The following WDPCP variants were observed in gnomAD, a reference collection of about 807,000 sequenced individuals.
WDPCP encodes WD repeat containing planar cell polarity effector.
Under a neutral mutation model 93.1 loss-of-function variants are expected in WDPCP, and 71 were observed. The ratio of observed to expected loss-of-function variants is 0.76; its 90% CI spans 0.63 to 0.93. The LOEUF is 0.93. WDPCP is among the 40% of genes least tolerant of loss of function. WDPCP has a pLI of 0.00. For synonymous variants in WDPCP, 315 were observed against 315.0 expected, an observed-to-expected ratio of 1.00 and a Z score of 0.00; for missense variants, 844 against 887.4, an observed-to-expected ratio of 0.95 and a Z score of 0.62.
chr2:63,575,421 GTATACAGTGTATATACAGTGTATACACT>G (rs1558832202), intron 1 of WDPCP, among the ~76,000 whole-genome samples: 4 of 53,740 alleles, frequency 7.4e-5, no homozygotes, highest in African/African-American at 4.1e-4. Context: ...TATATACACT[GTATACAGTGTATATACAGTGTATACACT>G]GTATATACAG....
Position 63,664,918 on chromosome 2 carries a change from C to T in WDPCP, n.309-14080G>A, listed in dbSNP as rs190759591. Among the ~76,000 whole-genome samples the T allele has an allele frequency of 3.1e-3, 475 of 152,272 alleles. 4 individuals are homozygous for T. The highest frequency in any genetic ancestry group is 0.011 in the African/African-American group (455 of 41,560). On this transcript the variant is annotated intron_variant and non_coding_transcript_variant, in intron 2 of 4. Transcript: ENST00000467687. ...CAGGTCACCCAACAAGGAGATCTGA[C>T]TCTAGGACTTATGCTCTTACCACTA...
intron 10 of WDPCP, among the ~76,000 whole-genome samples, chr2:63,394,147 A>C (rs1475639170): frequency 6.6e-6 from 1 of 152,232 alleles, no homozygotes; most frequent in African/African-American, 2.4e-5. Context: ...TATGCATCTG[A>C]CAAAGGTTTA....
At chr2:63,431,401 T>A (rs1319358518) in intron 9 of WDPCP, among the ~76,000 whole-genome samples, 1 of 152,156 alleles carries the variant, frequency 6.6e-6, no homozygotes, top group Non-Finnish European at 1.5e-5. Context: ...AGAACCTAGA[T>A]GGTAAATGCT....
intron 1 of WDPCP, among the ~76,000 whole-genome samples, chr2:63,571,901 T>C (rs1707534310): frequency 1.3e-5 from 2 of 152,208 alleles, no homozygotes; most frequent in South Asian, 4.1e-4. Flanking sequence ...TTTTACTCTC[T>C]CCCATGTAAA....
At chr2:63,707,502 A>G (rs1248250507) in intron 2 of WDPCP, among the ~76,000 whole-genome samples, 1 of 151,946 alleles carries the variant, frequency 6.6e-6, no homozygotes, top group Non-Finnish European at 1.5e-5. Context: ...ACTTCTCTGC[A>G]TTGGTTATTC....
chr2:63,124,432 A>G (rs1669756637), intron 17 of WDPCP, among the ~76,000 whole-genome samples: 1 of 151,988 alleles, frequency 6.6e-6, no homozygotes, highest in African/African-American at 2.4e-5. Context: ...GGTTAAGTGC[A>G]TTTTCTGAGC....
chr2:63,215,302 C>T (rs1677220931), intron 14 of WDPCP, among the ~76,000 whole-genome samples: 1 of 152,098 alleles, frequency 6.6e-6, no homozygotes, highest in Non-Finnish European at 1.5e-5. Context: ...ACCCTGACTT[C>T]AAACTATACT....
At chr2:63,684,278 G>C (rs1668774512) in intron 2 of WDPCP, 1 of 550,408 alleles carries the variant, frequency 1.8e-6, no homozygotes. Context: ...CGCCCTTTTT[G>C]CTGTAGGCCC....
intron 12 of WDPCP, among the ~76,000 whole-genome samples, chr2:63,369,908 A>G (rs1413321392): frequency 2.0e-5 from 3 of 152,154 alleles, no homozygotes; most frequent in Non-Finnish European, 2.9e-5. Flanking sequence ...TTTTACTGCT[A>G]TTGCTATATT....
At position 63,599,401 on chromosome 2, in the gene WDPCP, G is replaced by A. The variant is rs559104152; in HGVS notation, n.488+51258C>T. 3.9e-5 allele frequency: 42 copies of A among 1,075,714 alleles called. No homozygotes were observed. In the African/African-American group the frequency reaches 6.1e-4, roughly 16 times the overall value. The allele number at this position is 1,075,714 out of a possible 1,614,324, so 66.6% of individuals were successfully genotyped here. On this transcript the variant is annotated intron_variant and non_coding_transcript_variant, in intron 3 of 4. Transcript: ENST00000467687. Reference sequence around the variant, plus strand: ...TGTGCTTTTTTCTTGTTTTTGTTTAGTAGGAACCTATTACTTTTATTAAAT... The same window carrying A: ...TGTGCTTTTTTCTTGTTTTTGTTTAATAGGAACCTATTACTTTTATTAAAT...
In WDPCP at chr2:63,674,281, T is replaced by C. The variant is rs961813473; in HGVS notation, n.309-23443A>G. On this transcript the variant is annotated intron_variant and non_coding_transcript_variant, in intron 2 of 4. Transcript: ENST00000467687. ...TTCCCAAGATTACTATATAGACCTATGTAGAGTAATCAAAGCTTGCCATGG... is the reference window on the plus strand; with the variant it reads ...TTCCCAAGATTACTATATAGACCTACGTAGAGTAATCAAAGCTTGCCATGG... Among the ~76,000 whole-genome samples the C allele has an allele frequency of 1.2e-4, 18 of 152,336 alleles. No individual in the cohort carries two copies. In the South Asian group the frequency reaches 2.7e-3, roughly 23 times the overall value.
At chr2:63,752,920 C>T (rs1001229386) in intron 2 of WDPCP, among the ~76,000 whole-genome samples, 1 of 152,032 alleles carries the variant, frequency 6.6e-6, no homozygotes, top group Non-Finnish European at 1.5e-5. Flanking sequence ...TCTCAAACTA[C>T]TGATCTCAAG....
intron 14 of WDPCP, among the ~76,000 whole-genome samples, chr2:63,179,406 C>A (rs1337545469): frequency 1.3e-5 from 2 of 151,806 alleles, no homozygotes; most frequent in Non-Finnish European, 2.9e-5. Flanking sequence ...AATGGTTTAG[C>A]ACCATCCCCT....
rs3051721 is a variant in WDPCP at position 63,520,896 on chromosome 2, CAAA to C, written c.76-27959_76-27957del. On this transcript the variant is annotated intron_variant, in intron 1 of 17. Coordinates refer to ENST00000272321, the MANE Select transcript of WDPCP (RefSeq NM_015910.7). ...TGGGCAATGGAGTGAGACCCTATCTCAAAAAAAAAAAAAAAAAAAAGATTTTTC... is the reference window on the plus strand; with the variant it reads ...TGGGCAATGGAGTGAGACCCTATCTCAAAAAAAAAAAAAAAAAGATTTTTC... 1.2e-3 allele frequency among the ~76,000 whole-genome samples: 124 copies of C among 99,746 alleles called. 1 individual carries two copies. The highest frequency in any genetic ancestry group is 1.6e-3 in the Admixed American group (16 of 9,870). The allele number at this position is 99,746 out of a possible 152,430, so 65.4% of individuals were successfully genotyped here. A position where few individuals can be genotyped will look rare whatever the true frequency, so the allele number is the denominator to read the frequency against.
Position 63,783,891 on chromosome 2 carries a change from A to C in WDPCP, n.308+29731T>G, listed in dbSNP as rs993044188. The stretch of plus-strand genomic sequence containing the variant: ...CTATGCAATATATCTATGAAACAAA[A>C]TTGCACTTGTACCCCTTAAATTTAT... On this transcript the variant is annotated intron_variant and non_coding_transcript_variant, in intron 2 of 4. Transcript: ENST00000467687. Among the ~76,000 whole-genome samples, 32 of 152,168 alleles carry C rather than the reference A, an allele frequency of 2.1e-4. 1 individual carries two copies. The highest frequency in any genetic ancestry group is 1.0e-3 in the South Asian group (5 of 4,832).
chr2:63,568,283 T>G (rs942816006), intron 1 of WDPCP, among the ~76,000 whole-genome samples: 1 of 151,404 alleles, frequency 6.6e-6, no homozygotes, highest in African/African-American at 2.4e-5. Context: ...AAGAGTAATA[T>G]AACTACTTTA....
intron 1 of WDPCP, among the ~76,000 whole-genome samples, chr2:63,543,287 T>C (rs1485804531): frequency 6.6e-6 from 1 of 152,144 alleles, no homozygotes; most frequent in Non-Finnish European, 1.5e-5. Context: ...TGTAATTCTG[T>C]CAGTTATAAT....
chr2:63,373,483 T>C (rs995524273), intron 12 of WDPCP, among the ~76,000 whole-genome samples: 10 of 151,644 alleles, frequency 6.6e-5, no homozygotes, highest in African/African-American at 2.4e-4. Context: ...CTCAAATTCC[T>C]GGGCTGAAGC....
chr2:63,254,585 A>C (rs1220841334), intron 14 of WDPCP, among the ~76,000 whole-genome samples: 1 of 152,132 alleles, frequency 6.6e-6, no homozygotes, highest in Non-Finnish European at 1.5e-5. Flanking sequence ...GAGAAGTCCC[A>C]TGTCTCTTTT....
Sources: gnomAD v4.1 joint callset for allele counts (sites outside exome capture counted in the v4.1 genomes callset) on GRCh38, gnomAD v4.1.1 for gene constraint, MANE v1.5 for transcripts, NCBI Gene and HGNC (gene_info 2026-07-23, HGNC 2026-07-21) for gene names.